SLC24A3: variants seen among roughly 807,000 people sequenced by gnomAD.
SLC24A3 encodes the protein sodium/potassium/calcium exchanger 3.
A neutral mutation model predicts 75.8 loss-of-function variants in SLC24A3; 28 were observed. The observed-to-expected ratio is 0.37, with a 90% CI of 0.27 to 0.51. SLC24A3 has a LOEUF of 0.51. SLC24A3 is among the 20% of genes least tolerant of loss of function. The pLI is 0.94. For missense variants in SLC24A3, 663 were observed against 847.8 expected (o/e 0.78, Z 2.71); for synonymous variants, 372 against 334.1 (o/e 1.11, Z -1.24).
At chr20:19,363,237 C>T (rs74837560) in intron 2 of SLC24A3, among the ~76,000 whole-genome samples, 4,571 of 152,298 alleles carry the variant, frequency 0.03, 103 homozygotes, top group Non-Finnish European at 0.044. Flanking sequence ...AATGGCCTTT[C>T]GAAGGGCCGT....
chr20:19,382,776 A>G (rs1485086891), intron 2 of SLC24A3, among the ~76,000 whole-genome samples: 2 of 152,084 alleles, frequency 1.3e-5, no homozygotes, highest in Admixed American at 1.3e-4. Flanking sequence ...AACATGGCAT[A>G]TTGGGGTTTG....
chr20:19,231,530 A>T (rs1189216600), intron 1 of SLC24A3, among the ~76,000 whole-genome samples: 1 of 152,192 alleles, frequency 6.6e-6, no homozygotes, highest in Non-Finnish European at 1.5e-5. Context: ...TACTGGCTTG[A>T]AGATGGAAGA....
At chr20:19,678,331 G>GGCTGGACGGGCA (rs2032554843) in intron 9 of SLC24A3, among the ~76,000 whole-genome samples, 1 of 123,738 alleles carries the variant, frequency 8.1e-6, no homozygotes, top group Non-Finnish European at 1.8e-5. Context: ...CTGGCCGGGC[G>GGCTGGACGGGCA]GGGGGCTGAC....
chr20:19,533,524 G>C (rs1469813884), intron 3 of SLC24A3, among the ~76,000 whole-genome samples: 1 of 152,164 alleles, frequency 6.6e-6, no homozygotes, highest in African/African-American at 2.4e-5. Context: ...TACCTATGTG[G>C]AGCCAGGTGA....
intron 1 of SLC24A3, among the ~76,000 whole-genome samples, chr20:19,277,566 A>G (rs1235226790): frequency 1.3e-5 from 2 of 152,220 alleles, no homozygotes; most frequent in Non-Finnish European, 2.9e-5. Flanking sequence ...GATGCAATGC[A>G]TTGCTTCATC....
intron 7 of SLC24A3, among the ~76,000 whole-genome samples, chr20:19,655,847 C>T (rs570739250): frequency 3.9e-5 from 6 of 152,040 alleles, no homozygotes; most frequent in South Asian, 2.1e-4. Context: ...GATGGAAGGT[C>T]GTGAGACATC....
intron 2 of SLC24A3, among the ~76,000 whole-genome samples, chr20:19,373,226 G>A (rs1443674950): frequency 2.6e-5 from 4 of 152,066 alleles, no homozygotes; most frequent in Middle Eastern, 3.2e-3. Context: ...GAGATGATCC[G>A]ATTTCTGCAA....
chr20:19,310,064 G>T (rs1415040526), intron 2 of SLC24A3, among the ~76,000 whole-genome samples: 4 of 152,198 alleles, frequency 2.6e-5, no homozygotes, highest in African/African-American at 9.6e-5. Flanking sequence ...AGGCAGCCCT[G>T]GGAGATGGTG....
intron 1 of SLC24A3, among the ~76,000 whole-genome samples, chr20:19,216,616 G>GA (rs1267578969): frequency 6.7e-6 from 1 of 150,090 alleles, no homozygotes; most frequent in Non-Finnish European, 1.5e-5. Context: ...CTCAAAAACA[G>GA]AAAAAAAGGA....
intron 1 of SLC24A3, among the ~76,000 whole-genome samples, chr20:19,253,279 G>A (rs983547630): frequency 6.6e-6 from 1 of 152,188 alleles, no homozygotes; most frequent in African/African-American, 2.4e-5. Flanking sequence ...TGCCACGCTT[G>A]GTTGCAGGAA....
chr20:19,455,952 G>A (rs546250880), intron 2 of SLC24A3, among the ~76,000 whole-genome samples: 1 of 152,356 alleles, frequency 6.6e-6, no homozygotes, highest in African/African-American at 2.4e-5. Flanking sequence ...ACTGCACCCT[G>A]TGTTGGATAT....
intron 6 of SLC24A3, among the ~76,000 whole-genome samples, chr20:19,599,848 C>T (rs187362863): frequency 6.6e-6 from 1 of 152,306 alleles, no homozygotes; most frequent in Admixed American, 6.5e-5. Flanking sequence ...GGCATCTACT[C>T]TCTTTGGGAA....
intron 6 of SLC24A3, among the ~76,000 whole-genome samples, chr20:19,615,876 G>A (rs1314117119): frequency 2.0e-5 from 3 of 152,154 alleles, no homozygotes; most frequent in Non-Finnish European, 4.4e-5. Flanking sequence ...TACACTGTTG[G>A]CTTCCCTGCT....
intron 6 of SLC24A3, among the ~76,000 whole-genome samples, chr20:19,642,895 T>C (rs1263043590): frequency 2.0e-5 from 3 of 152,240 alleles, no homozygotes; most frequent in African/African-American, 7.2e-5. Context: ...TGTGGTACTT[T>C]GTTTTAATTC....
chr20:19,636,878 C>G (rs2032008882), intron 6 of SLC24A3, among the ~76,000 whole-genome samples: 2 of 152,162 alleles, frequency 1.3e-5, no homozygotes, highest in South Asian at 2.1e-4. Context: ...TAATAGAAAT[C>G]AACTTCTTAA....
rs1003044455 is a variant in SLC24A3, at chr20:19,579,901, G to A, written c.349-99G>A. ...TTGGTATTTAAGGTGTTGAATTCAT[G>A]ATGACAGAAGACATTATCAAAGCAG... On this transcript the variant is annotated intron_variant, in intron 3 of 16. Coordinates refer to ENST00000328041, the MANE Select transcript of SLC24A3 (RefSeq NM_020689.4). The A allele has an allele frequency of 1.2e-5, 9 of 776,470 alleles. No homozygotes were observed. The African/African-American group carries it at 2.1e-4, about 18-fold the overall frequency. The allele number at this position is 776,470 out of a possible 1,614,324, so 48.1% of individuals were successfully genotyped here.
At chr20:19,431,518 A>C (rs1987102470) in intron 2 of SLC24A3, among the ~76,000 whole-genome samples, 1 of 151,874 alleles carries the variant, frequency 6.6e-6, no homozygotes, top group South Asian at 2.1e-4. Flanking sequence ...GGTCTCAGTC[A>C]CCCTTTGGTC....
intron 3 of SLC24A3, among the ~76,000 whole-genome samples, chr20:19,556,331 G>A (rs1348993660): frequency 6.6e-6 from 1 of 151,984 alleles, no homozygotes; most frequent in African/African-American, 2.4e-5. Context: ...TTTCTTGCTA[G>A]CAAAGTATTC....
At chr20:19,303,880 T>C (rs998730007) in intron 2 of SLC24A3, among the ~76,000 whole-genome samples, 2 of 152,176 alleles carry the variant, frequency 1.3e-5, no homozygotes, top group Non-Finnish European at 2.9e-5. Flanking sequence ...GTCACCCTAC[T>C]GTGTGGCTGC....
Sources: gnomAD v4.1 joint callset for allele counts (sites outside exome capture counted in the v4.1 genomes callset) on GRCh38, gnomAD v4.1.1 for gene constraint, MANE v1.5 for transcripts, NCBI Gene and HGNC (gene_info 2026-07-23, HGNC 2026-07-21) for gene names.